Variants in NUP210 observed in about 807,000 individuals in gnomAD.
The protein encoded by NUP210 is nuclear pore membrane glycoprotein 210.
NUP210 carries 151 observed loss-of-function variants against 196.0 expected under a neutral mutation model. The ratio of observed to expected loss-of-function variants is 0.77; its 90% CI spans 0.67 to 0.88. The LOEUF (loss-of-function observed/expected upper bound fraction) is 0.88, where lower values mean the gene tolerates loss of function less well. Ranked by LOEUF, NUP210 falls within the 40% of genes least tolerant of loss-of-function variation. The pLI is 0.00. For synonymous variants in NUP210, 1,070 were observed against 1,052.7 expected (o/e 1.02, Z -0.32); for missense variants, 2,314 against 2,493.7 (o/e 0.93, Z 1.53).
chr3:13,336,816 C>T lies in NUP210; in HGVS notation c.3655G>A (p.Val1219Ile), dbSNP rs201994997. 61 of 1,613,780 alleles carry T rather than the reference C, an allele frequency of 3.8e-5. No homozygotes were observed. Among genetic ancestry groups the T allele is most frequent in the Admixed American group, 8.3e-5 (5 of 60,024 alleles). ...TFHWSVTKRD[V>I]LDLRGRHHEA... Reference sequence around the variant, plus strand: ...TGGTGCCGCCCTCGGAGGTCCAGGACGTCCCGCTTGGTGACAGACCAGTGG... The same window carrying T: ...TGGTGCCGCCCTCGGAGGTCCAGGATGTCCCGCTTGGTGACAGACCAGTGG... The change falls in exon 27 of 40, where the codon GTC becomes ATC. Residue 1219 changes from valine (V) to isoleucine (I), a missense_variant. Transcript: ENST00000254508.
At position 13,354,034 on chromosome 3, in the gene NUP210, T is replaced by G; in HGVS notation, c.2402A>C (p.Asn801Thr). Residue 801 changes from asparagine to threonine, a missense_variant, in exon 17 of 40, where the codon AAC becomes ACC. Transcript: ENST00000254508. ...CCACTGGATGCTCAGAGAGCTGAAG[T>G]TGTCGAACCGGCGGCCCTCCTGGTC... ...AYDQEGRRFD[N>T]FSSLSIQWES... The G allele has an allele frequency of 6.2e-7, 1 of 1,608,382 alleles. No individual in the cohort carries two copies. Among genetic ancestry groups the G allele is most frequent in the East Asian group, 2.2e-5 (1 of 44,680 alleles).
intron 37 of NUP210, among the ~76,000 whole-genome samples, 177 bp from the exon 38 acceptor site, chr3:13,319,502 T>C (rs925019044): frequency 6.6e-6 from 1 of 151,014 alleles, no homozygotes; most frequent in Non-Finnish European, 1.5e-5. Flanking sequence ...CTGTTCTTGG[T>C]ACCCTGGCAC....
In NUP210 at chr3:13,379,786, A is replaced by G. The variant is rs1699045290; in HGVS notation, c.818-65T>C. ...GCAAAGACAGGAAATGTTAGAAGCC[A>G]ATACACTCCCACTGCCACCCCGAAT... On this transcript the variant is annotated intron_variant, in intron 6 of 39. Transcript: ENST00000254508. This position sits in a 1 kb window ranked among gnomAD's most constrained non-coding sequence, Gnocchi z 4.2. 6 of 1,405,854 alleles carry G rather than the reference A, an allele frequency of 4.3e-6. No individual in the cohort carries two copies. In the Admixed American group the frequency reaches 1.3e-4, roughly 30 times the overall value. 87.1% of individuals were successfully genotyped at this position (1,405,854 alleles called of 1,614,324 possible). A position where few individuals can be genotyped will look rare whatever the true frequency, so the allele number is the denominator to read the frequency against.
intron 5 of NUP210, among the ~76,000 whole-genome samples, chr3:13,386,935 G>C (rs1462624130): frequency 6.6e-6 from 1 of 152,228 alleles, no homozygotes; most frequent in Non-Finnish European, 1.5e-5. Flanking sequence ...CGCAATGGGA[G>C]AAAGATCACT....
At chr3:13,361,376 G>A (rs2124893966) in intron 14 of NUP210, among the ~76,000 whole-genome samples, 1 of 152,306 alleles carries the variant, frequency 6.6e-6, no homozygotes, top group East Asian at 1.9e-4. Context: ...TTTCCTCCAT[G>A]GCCTAGGGCA....
rs1160434285 is a variant in NUP210, at chr3:13,323,669, C to G, written c.4645-237G>C. Among the ~76,000 whole-genome samples, 1 of 152,226 alleles carries G rather than the reference C, an allele frequency of 6.6e-6. No individual in the cohort carries two copies. The highest frequency in any genetic ancestry group is 2.4e-5 in the African/African-American group (1 of 41,460). ...TTGAACAAGCTGCTTCCCCCAGCAG[C>G]TGACTGGACGCTGAGCAGCGGGCCT... is the stretch of plus-strand genomic sequence containing the variant. On this transcript the variant is annotated intron_variant, in intron 33 of 39. Transcript: ENST00000254508. This position sits in a 1 kb window ranked among gnomAD's most constrained non-coding sequence, Gnocchi z 4.3.
At chr3:13,377,686 C>T (rs1347173657) in intron 8 of NUP210, 124 bp from the exon 9 acceptor site, 1 of 663,808 alleles carries the variant, frequency 1.5e-6, no homozygotes, top group Non-Finnish European at 2.6e-6. Flanking sequence ...CTCCACCCAC[C>T]TGCAGGCCCC....
chr3:13,352,162 G>A lies in NUP210; in HGVS notation c.2651C>T (p.Ser884Leu), dbSNP rs749910933. 18 of 1,613,408 alleles carry A rather than the reference G, an allele frequency of 1.1e-5. No individual in the cohort carries two copies. The highest frequency in any genetic ancestry group is 6.7e-5 in the African/African-American group (5 of 74,912). The change falls in exon 19 of 40, where the codon TCG becomes TTG. Residue 884 changes from serine (S) to leucine (L), a missense_variant. By Grantham distance (145) the Ser-to-Leu change is moderately radical. Transcript: ENST00000254508. ...KQPHDPLVPL[S>L]ASIELILVED... ...CACCAGGATGAGCTCTATGGAGGCC[G>A]ACAGAGGCACCAGAGGGTCATGCTG... is the stretch of plus-strand genomic sequence containing the variant.
chr3:13,322,225 A>T lies in NUP210; in HGVS notation c.4883T>A (p.Phe1628Tyr). The T allele has an allele frequency of 3.1e-6, 5 of 1,614,248 alleles. No homozygotes were observed. Among genetic ancestry groups the T allele is most frequent in the Non-Finnish European group, 4.2e-6 (5 of 1,180,042 alleles). ...AGTGTCAAACTGTGGCTCCACGGTG[A>T]ACACATCTTGAGATGGGAAATCAAA... is the stretch of plus-strand genomic sequence containing the variant. ...AVFDFPSQDV[F>Y]TVEPQFDTAL... The change falls in exon 35 of 40, where the codon TTC (phenylalanine) becomes TAC (tyrosine). Residue 1628 changes from phenylalanine to tyrosine, a missense_variant. Physicochemically the swap from Phe to Tyr is conservative, Grantham distance 22. Coordinates refer to ENST00000254508, the MANE Select transcript of NUP210 (RefSeq NM_024923.4).
intron 13 of NUP210, among the ~76,000 whole-genome samples, chr3:13,370,573 G>T (rs4684932): frequency 1.3e-5 from 2 of 151,982 alleles, no homozygotes; most frequent in African/African-American, 4.8e-5. Flanking sequence ...GGCAGGCAGT[G>T]CAGGGGAGTG....
In NUP210 at chr3:13,406,627, C is replaced by T. The variant is rs531105267; in HGVS notation, c.168-6766G>A. Among the ~76,000 whole-genome samples, 12 of 152,358 alleles carry T rather than the reference C, an allele frequency of 7.9e-5. No homozygotes were observed. In the South Asian group the frequency reaches 2.5e-3, roughly 32 times the overall value. ...GTCAGCCAGCTCATAGCCCAGTTCA[C>T]TTGGATTCCACATCAAGTTTGGCCA... On this transcript the variant is annotated intron_variant, in intron 1 of 39. Transcript: ENST00000254508.
intron 11 of NUP210, among the ~76,000 whole-genome samples, chr3:13,374,999 T>C (rs947076738): frequency 2.6e-5 from 4 of 152,216 alleles, no homozygotes; most frequent in Admixed American, 1.3e-4. Context: ...TGTGATGAGG[T>C]TGGAGATACT....
chr3:13,335,095 T>C (rs925124304), intron 28 of NUP210, among the ~76,000 whole-genome samples: 3 of 152,176 alleles, frequency 2.0e-5, no homozygotes, highest in Admixed American at 6.5e-5. Flanking sequence ...TCTATGTGTG[T>C]TAAATAAACA....
chr3:13,340,426 A>ATGT lies in NUP210; in HGVS notation c.3229-129_3229-128insACA. 1.2e-6 allele frequency: 1 copy of ATGT among 814,394 alleles called. No homozygotes were observed. Among genetic ancestry groups the ATGT allele is most frequent in the Non-Finnish European group, 2.0e-6 (1 of 496,198 alleles). The allele number at this position is 814,394 out of a possible 1,614,324, so 50.4% of individuals were successfully genotyped here. ...GGACATCACTTCTCTCTGAGCAGTGACCAGAGGGCCCAGGGTCCTGGGCCA... is the reference window on the plus strand; with the variant it reads ...GGACATCACTTCTCTCTGAGCAGTGATGTCCAGAGGGCCCAGGGTCCTGGGCCA... On this transcript the variant is annotated intron_variant, in intron 23 of 39. Transcript: ENST00000254508. The surrounding 1 kb of genome is among the most constrained non-coding windows in gnomAD (Gnocchi z 4.0).
chr3:13,407,136 T>C (rs1485458184), intron 1 of NUP210, among the ~76,000 whole-genome samples: 1 of 152,152 alleles, frequency 6.6e-6, no homozygotes, highest in Non-Finnish European at 1.5e-5. Context: ...GCTGGGATAA[T>C]ATATATCAAG....
Position 13,335,498 on chromosome 3 carries a change from G to A in NUP210, c.3799C>T (p.Leu1267=), listed in dbSNP as rs1480029968. Residue 1267 remains leucine (L), a synonymous_variant, in exon 28 of 40, where the codon CTG becomes TTG. Transcript: ENST00000254508. ...GAGAGTTCTCTGGCCAGGCCATACA[G>A]CTGCCCCGATGTGGGGTCCACAGCC... is the stretch of plus-strand genomic sequence containing the variant. The part of the protein sequence containing the change: ...VKAVDPTSGQ[L]YGLARELSDE... 6.8e-6 allele frequency: 11 copies of A among 1,614,114 alleles called. No homozygotes were observed. In the South Asian group the frequency reaches 1.2e-4, roughly 18 times the overall value.
chr3:13,392,186 A>G (rs1387699387), intron 3 of NUP210, among the ~76,000 whole-genome samples: 1 of 152,164 alleles, frequency 6.6e-6, no homozygotes, highest in Non-Finnish European at 1.5e-5. Flanking sequence ...AGGTATTTAG[A>G]GTCTGACGGG....
At chr3:13,360,926 G>A (rs1559328444) in intron 14 of NUP210, among the ~76,000 whole-genome samples, 1 of 152,166 alleles carries the variant, frequency 6.6e-6, no homozygotes, top group Non-Finnish European at 1.5e-5. Flanking sequence ...CCAGCACAAG[G>A]GGCTCAGTAC....
chr3:13,419,036 G>C (rs1471556881), intron 1 of NUP210, among the ~76,000 whole-genome samples: 1 of 151,492 alleles, frequency 6.6e-6, no homozygotes, highest in Non-Finnish European at 1.5e-5. Flanking sequence ...TGAGCTTCGG[G>C]CATCACACTT....
Sources: allele counts gnomAD v4.1 joint callset (sites outside exome capture counted in the v4.1 genomes callset), GRCh38; gene constraint gnomAD v4.1.1; non-coding constraint Gnocchi (gnomAD v3.1); transcripts MANE v1.5; gene names NCBI Gene and HGNC (gene_info 2026-07-23, HGNC 2026-07-21).